CHD9NB: variants seen among roughly 807,000 people sequenced by gnomAD.
CHD9NB encodes CHD9 neighbor.
At chr16:53,039,198 A>G in the CHD9NB span, among the ~76,000 whole-genome samples, 5 of 152,218 alleles carry the variant, frequency 3.3e-5, no homozygotes, top group Admixed American at 3.3e-4. Context: ...ACTGTAAACA[A>G]ACAAACAAAA....
At chr16:53,043,965 AAGG>A in the CHD9NB span, 1 of 398,550 alleles carries the variant, frequency 2.5e-6, no homozygotes. Flanking sequence ...CAGTTCCAGG[AAGG>A]AGGTGAGGGT....
At chr16:53,038,837 C>T in the CHD9NB span, among the ~76,000 whole-genome samples, 1 of 152,144 alleles carries the variant, frequency 6.6e-6, no homozygotes, top group Non-Finnish European at 1.5e-5. Context: ...ATAAAATGAG[C>T]ACAGTGTGAT....
At chr16:53,045,467 T>C in the CHD9NB span, among the ~76,000 whole-genome samples, 1 of 152,350 alleles carries the variant, frequency 6.6e-6, no homozygotes, top group Non-Finnish European at 1.5e-5. Context: ...GGAACTCTTG[T>C]GCTCTATAGT....
At chr16:53,049,157 C>T in the CHD9NB span, among the ~76,000 whole-genome samples, 1 of 151,824 alleles carries the variant, frequency 6.6e-6, no homozygotes, top group Non-Finnish European at 1.5e-5. Flanking sequence ...CTGGGCCCGG[C>T]CAGTTTGTTT....
At chr16:53,043,154 A>C in the CHD9NB span, 1 of 152,390 alleles carries the variant, frequency 6.6e-6, no homozygotes, top group South Asian at 2.1e-4. Flanking sequence ...GGATTTAAAA[A>C]CAAAACACAT....
the CHD9NB span, among the ~76,000 whole-genome samples, chr16:53,041,560 T>TA: frequency 1.3e-5 from 2 of 152,176 alleles, no homozygotes; most frequent in African/African-American, 4.8e-5. Flanking sequence ...TCGAAGGACC[T>TA]AAAGCTTCCT....
chr16:53,050,947 G>A, the CHD9NB span, among the ~76,000 whole-genome samples: 18 of 151,076 alleles, frequency 1.2e-4, no homozygotes, highest in South Asian at 1.5e-3. Context: ...GAGTGCAGTC[G>A]TGCGATCTTG....
the CHD9NB span, among the ~76,000 whole-genome samples, chr16:53,040,093 T>A: frequency 6.6e-6 from 1 of 151,780 alleles, no homozygotes; most frequent in African/African-American, 2.4e-5. Context: ...TGGTACGGAG[T>A]CTCACTCTGT....
At chr16:53,039,471 C>T in the CHD9NB span, among the ~76,000 whole-genome samples, 345 of 152,248 alleles carry the variant, frequency 2.3e-3, 1 homozygote, top group African/African-American at 7.3e-3. Flanking sequence ...GAAGGCTGGG[C>T]GCAGTGGCTC....
At chr16:53,036,833 G>T in the CHD9NB span, among the ~76,000 whole-genome samples, 1 of 152,160 alleles carries the variant, frequency 6.6e-6, no homozygotes, top group African/African-American at 2.4e-5. Flanking sequence ...CCCACCCCTT[G>T]TTCCCTTTTG....
chr16:53,041,846 GC>G, the CHD9NB span, among the ~76,000 whole-genome samples: 1 of 152,058 alleles, frequency 6.6e-6, no homozygotes, highest in African/African-American at 2.4e-5. Context: ...GTGCAAAGAG[GC>G]CCCAAACTTC....
chr16:53,043,151 A>T, the CHD9NB span: 3 of 152,266 alleles, frequency 2.0e-5, no homozygotes, highest in Non-Finnish European at 2.9e-5. Context: ...AGTGGATTTA[A>T]AAACAAAACA....
At chr16:53,045,314 C>T in the CHD9NB span, among the ~76,000 whole-genome samples, 1 of 152,202 alleles carries the variant, frequency 6.6e-6, no homozygotes, top group Non-Finnish European at 1.5e-5. Context: ...TATCTTCACA[C>T]ACCATGACAG....
chr16:53,036,172 C>T, the CHD9NB span, among the ~76,000 whole-genome samples: 2 of 152,188 alleles, frequency 1.3e-5, no homozygotes, highest in Admixed American at 6.5e-5. Flanking sequence ...TCCTATTCTG[C>T]CACTAACTAG....
chr16:53,050,895 C>CT, the CHD9NB span, among the ~76,000 whole-genome samples: 33,412 of 149,592 alleles, frequency 0.22, 3,960 homozygotes, highest in South Asian at 0.35. Context: ...TCCTCACCCT[C>CT]TTTTTTTTTT....
chr16:53,037,772 A>G, the CHD9NB span, among the ~76,000 whole-genome samples: 1 of 152,212 alleles, frequency 6.6e-6, no homozygotes, highest in Non-Finnish European at 1.5e-5. Flanking sequence ...ACAATTCCCA[A>G]ATGAATTCCT....
chr16:53,051,763 GTATAAATATATATATATA>G, the CHD9NB span, among the ~76,000 whole-genome samples: 8 of 87,174 alleles, frequency 9.2e-5, no homozygotes, highest in African/African-American at 4.5e-4. Flanking sequence ...CAACTTAAAA[GTATAAATATATATATATA>G]TATATATATA....
At chr16:53,035,963 TAAA>T in the CHD9NB span, 4 of 127,996 alleles carry the variant, frequency 3.1e-5, no homozygotes, top group Non-Finnish European at 3.4e-5. Context: ...AGACCCTTTC[TAAA>T]AAAAAAAAAA....
chr16:53,046,168 T>C, the CHD9NB span, among the ~76,000 whole-genome samples: 3 of 152,084 alleles, frequency 2.0e-5, no homozygotes, highest in Non-Finnish European at 4.4e-5. Flanking sequence ...ATGCCCTGTT[T>C]GAGGCAAATC....
Sources: gnomAD v4.1 joint callset for allele counts (sites outside exome capture counted in the v4.1 genomes callset) on GRCh38, gnomAD v4.1.1 for gene constraint, MANE v1.5 for transcripts, NCBI Gene and HGNC (gene_info 2026-07-23, HGNC 2026-07-21) for gene names.